The following CSMD1 variants were observed in gnomAD, a reference collection of about 807,000 sequenced individuals.
CSMD1 encodes the protein CUB and Sushi multiple domains 1.
CSMD1 carries 213 observed loss-of-function variants against 417.5 expected under a neutral mutation model. The ratio of observed to expected loss-of-function variants is 0.51; its 90% CI spans 0.46 to 0.57. The LOEUF (loss-of-function observed/expected upper bound fraction) is 0.57, where lower values mean the gene tolerates loss of function less well. Among genes scored for constraint, CSMD1 ranks in the 20% least tolerant of loss-of-function variants. The pLI, the probability that CSMD1 is intolerant of heterozygous loss-of-function variation, is 0.00. For synonymous variants in CSMD1, 2,862 were observed against 1,736.8 expected (o/e 1.65, Z -16.11); for missense variants, 6,923 against 4,529.7 (o/e 1.53, Z -15.17).
chr8:4,704,811 T>G (rs1056398354), intron 1 of CSMD1, among the ~76,000 whole-genome samples: 2 of 152,176 alleles, frequency 1.3e-5, no homozygotes, highest in Admixed American at 6.5e-5. Flanking sequence ...TGAGTGAGCT[T>G]GGAAGTGCTT....
chr8:4,801,264 C>T (rs530958946), intron 1 of CSMD1, among the ~76,000 whole-genome samples: 1 of 152,250 alleles, frequency 6.6e-6, no homozygotes, highest in East Asian at 1.9e-4. Context: ...TCAGCATTTT[C>T]AGGTCACCTT....
intron 5 of CSMD1, among the ~76,000 whole-genome samples, chr8:3,773,313 T>C (rs1185917950): frequency 6.6e-6 from 1 of 152,192 alleles, no homozygotes; most frequent in East Asian, 1.9e-4. Context: ...GGATGGGGTC[T>C]TGCCCTGTCA....
chr8:3,823,832 AT>A (rs1801885626), intron 5 of CSMD1, among the ~76,000 whole-genome samples: 1 of 152,164 alleles, frequency 6.6e-6, no homozygotes, highest in East Asian at 1.9e-4. Flanking sequence ...AAAGATGGTA[AT>A]TTAAAAAATT....
intron 68 of CSMD1, among the ~76,000 whole-genome samples, chr8:2,947,978 A>G (rs1802366294): frequency 6.7e-6 from 1 of 149,262 alleles, no homozygotes; most frequent in African/African-American, 2.5e-5. Context: ...TTTTATATTC[A>G]GCACTTTGAT....
intron 1 of CSMD1, among the ~76,000 whole-genome samples, chr8:4,907,594 CTG>C (rs1281168442): frequency 6.6e-6 from 1 of 152,116 alleles, no homozygotes; most frequent in Non-Finnish European, 1.5e-5. Flanking sequence ...GGTTTTCACT[CTG>C]TTACCCAAGC....
chr8:3,844,918 A>T (rs201928354), intron 5 of CSMD1, among the ~76,000 whole-genome samples: 4 of 152,116 alleles, frequency 2.6e-5, no homozygotes, highest in African/African-American at 9.7e-5. Flanking sequence ...TGCATTTAAA[A>T]ACTGCCATCA....
Position 3,785,818 on chromosome 8 carries a change from G to A in CSMD1, c.819-31776C>T, listed in dbSNP as rs146109494. ...CAGGCTGCGGAAGAGCTATGTTGAA[G>A]AGCTTCTTCCTTATTCCTGAGGGCT... On this transcript the variant is annotated intron_variant, in intron 5 of 69. Transcript: ENST00000635120. Among the ~76,000 whole-genome samples, 298 of 152,328 alleles carry A rather than the reference G, an allele frequency of 2.0e-3. 5 individuals carry two copies. The highest frequency in any genetic ancestry group is 7.0e-3 in the African/African-American group (292 of 41,580).
intron 1 of CSMD1, among the ~76,000 whole-genome samples, chr8:4,940,825 T>G (rs746459401): frequency 6.6e-6 from 1 of 152,214 alleles, no homozygotes; most frequent in Non-Finnish European, 1.5e-5. Context: ...TGTCAGCTTG[T>G]ACCATGTGTC....
Position 3,741,978 on chromosome 8 carries a change from G to GT in CSMD1, c.931+11951_931+11952insA, listed in dbSNP as rs1207725319. ...AATTCCACTTTTTCCAAAGAATCTT[G>GT]GTTTTTTTTTTTTTTAACCCTGCAA... On this transcript the variant is annotated intron_variant, in intron 6 of 69. Transcript: ENST00000635120. 4.5e-3 allele frequency among the ~76,000 whole-genome samples: 426 copies of GT among 94,104 alleles called. 2 individuals are homozygous for GT. Among genetic ancestry groups the GT allele is most frequent in the Non-Finnish European group, 7.7e-3 (336 of 43,728 alleles). 61.7% of individuals were successfully genotyped at this position (94,104 alleles called of 152,430 possible).
intron 3 of CSMD1, among the ~76,000 whole-genome samples, chr8:4,418,330 C>A (rs1313349669): frequency 1.3e-5 from 2 of 152,000 alleles, no homozygotes; most frequent in Non-Finnish European, 2.9e-5. Context: ...AAATATTTTT[C>A]CAACATAGAC....
intron 1 of CSMD1, among the ~76,000 whole-genome samples, chr8:4,666,371 T>C (rs534399579): frequency 1.5e-4 from 23 of 152,196 alleles, no homozygotes; most frequent in African/African-American, 7.2e-5. Context: ...GCAGAGTCAG[T>C]GTGAAAGTGA....
chr8:3,210,389 T>C (rs1040364397), intron 30 of CSMD1, among the ~76,000 whole-genome samples: 4 of 65,806 alleles, frequency 6.1e-5, no homozygotes, highest in African/African-American at 7.1e-5. Flanking sequence ...TGAAACAGTC[T>C]CTAATTAAAA....
intron 1 of CSMD1, among the ~76,000 whole-genome samples, chr8:4,839,445 T>G (rs1385281219): frequency 2.0e-5 from 3 of 152,196 alleles, no homozygotes; most frequent in Non-Finnish European, 4.4e-5. Flanking sequence ...TGAAAAAAAG[T>G]TGCTAGACAT....
intron 7 of CSMD1, among the ~76,000 whole-genome samples, chr8:3,635,047 A>AT (rs112167453): frequency 2.0e-5 from 3 of 149,758 alleles, no homozygotes; most frequent in Non-Finnish European, 4.4e-5. Context: ...CTGTTTAATG[A>AT]TAAAAAAAAA....
chr8:3,166,651 A>C (rs1820236499), intron 37 of CSMD1, among the ~76,000 whole-genome samples: 2 of 152,262 alleles, frequency 1.3e-5, no homozygotes, highest in Admixed American at 1.3e-4. Flanking sequence ...TTGTCAAGCC[A>C]GGGGTAGCAG....
chr8:3,297,548 T>C (rs1322027213), intron 25 of CSMD1, among the ~76,000 whole-genome samples: 1 of 152,194 alleles, frequency 6.6e-6, no homozygotes, highest in Non-Finnish European at 1.5e-5. Flanking sequence ...TAATTTGTAC[T>C]ATAGTGCAAT....
chr8:4,176,204 G>T (rs1229316553), intron 3 of CSMD1, among the ~76,000 whole-genome samples: 1 of 152,010 alleles, frequency 6.6e-6, no homozygotes, highest in African/African-American at 2.4e-5. Flanking sequence ...CACCCTGTTG[G>T]ATGTGGCTCT....
intron 2 of CSMD1, among the ~76,000 whole-genome samples, chr8:4,486,317 T>C (rs1264568023): frequency 6.7e-6 from 1 of 148,666 alleles, no homozygotes; most frequent in African/African-American, 2.5e-5. Flanking sequence ...TTTATCCCCC[T>C]AGCTACAAAT....
chr8:3,823,009 G>A (rs914216040), intron 5 of CSMD1, among the ~76,000 whole-genome samples: 1 of 152,134 alleles, frequency 6.6e-6, no homozygotes, highest in African/African-American at 2.4e-5. Context: ...CGAAGGCTGA[G>A]TCAGCTGAAA....
Sources: gnomAD v4.1 joint callset for allele counts (sites outside exome capture counted in the v4.1 genomes callset) on GRCh38, gnomAD v4.1.1 for gene constraint, MANE v1.5 for transcripts, NCBI Gene and HGNC (gene_info 2026-07-23, HGNC 2026-07-21) for gene names.